The following CRTC3 variants were observed in gnomAD, a reference collection of about 807,000 sequenced individuals.
CRTC3 encodes CREB-regulated transcription coactivator 3.
CRTC3 carries 26 observed loss-of-function variants against 74.5 expected under a neutral mutation model. That is an observed-to-expected ratio of 0.35 (90% CI 0.26 to 0.48). CRTC3 has a LOEUF of 0.48. CRTC3 is among the 20% of genes least tolerant of loss of function. The pLI, the probability that CRTC3 is intolerant of heterozygous loss-of-function variation, is 0.99. For missense variants in CRTC3, 760 were observed against 787.3 expected (o/e 0.97, Z 0.41); for synonymous variants, 377 against 325.8 (o/e 1.16, Z -1.69).
intron 11 of CRTC3, among the ~76,000 whole-genome samples, chr15:90,633,496 C>T (rs569241658): frequency 3.1e-4 from 47 of 152,250 alleles, no homozygotes; most frequent in African/African-American, 1.0e-3. Context: ...CAGTGCCATT[C>T]GGACTCTTAA....
At chr15:90,616,680 T>C (rs751052019) in intron 7 of CRTC3, among the ~76,000 whole-genome samples, 1 of 152,232 alleles carries the variant, frequency 6.6e-6, no homozygotes, top group Non-Finnish European at 1.5e-5. Context: ...GGCCCTTGTT[T>C]TCTGGTCTCT....
At chr15:90,584,526 C>T (rs142965200) in intron 2 of CRTC3, among the ~76,000 whole-genome samples, 3 of 152,178 alleles carry the variant, frequency 2.0e-5, no homozygotes, top group Non-Finnish European at 4.4e-5. Context: ...CATGAGCCAC[C>T]GTGCCCGGCC....
At chr15:90,630,338 A>T (rs941883395) in intron 11 of CRTC3, among the ~76,000 whole-genome samples, 1 of 152,252 alleles carries the variant, frequency 6.6e-6, no homozygotes, top group Non-Finnish European at 1.5e-5. Flanking sequence ...CAGATTTGAG[A>T]AACAATACTT....
In CRTC3 at chr15:90,630,838, C is replaced by T. The variant is rs1350407984; in HGVS notation, c.1266+1306C>T. Among the ~76,000 whole-genome samples, 2 of 14,108 alleles carry T rather than the reference C, an allele frequency of 1.4e-4. 1 individual carries two copies. The highest frequency in any genetic ancestry group is 2.8e-4 in the African/African-American group (2 of 7,242). The allele number at this position is 14,108 out of a possible 152,430, so 9.3% of individuals were successfully genotyped here. On this transcript the variant is annotated intron_variant, in intron 11 of 14. Coordinates refer to ENST00000268184, the MANE Select transcript of CRTC3 (RefSeq NM_022769.5). ...CAGGTCGGACTGCGGACTGCAGTGGCGCAATCTCGGCTCACTGCAAGCTCC... is the reference window on the plus strand; with the variant it reads ...CAGGTCGGACTGCGGACTGCAGTGGTGCAATCTCGGCTCACTGCAAGCTCC...
chr15:90,610,674 T>G (rs565646228), intron 6 of CRTC3, among the ~76,000 whole-genome samples: 20 of 152,378 alleles, frequency 1.3e-4, no homozygotes, highest in Admixed American at 9.8e-4. Flanking sequence ...GCCATTTCCC[T>G]GGCAGCATGT....
intron 2 of CRTC3, among the ~76,000 whole-genome samples, chr15:90,592,437 G>A (rs1967822575): frequency 6.6e-6 from 1 of 152,118 alleles, no homozygotes; most frequent in African/African-American, 2.4e-5. Context: ...CACATCTATT[G>A]CACAATGTAT....
At chr15:90,626,427 G>A (rs1377302416) in intron 10 of CRTC3, among the ~76,000 whole-genome samples, 3 of 152,152 alleles carry the variant, frequency 2.0e-5, no homozygotes, top group African/African-American at 7.2e-5. Context: ...TGGATATGAT[G>A]AAAATATTTA....
At chr15:90,615,652 G>A (rs1341686072) in intron 7 of CRTC3, among the ~76,000 whole-genome samples, 2 of 152,100 alleles carry the variant, frequency 1.3e-5, no homozygotes, top group Non-Finnish European at 2.9e-5. Context: ...ACAAATCTTG[G>A]ATATGAAAAG....
At chr15:90,546,752 A>T (rs1454241782) in intron 2 of CRTC3, among the ~76,000 whole-genome samples, 2 of 152,142 alleles carry the variant, frequency 1.3e-5, no homozygotes, top group African/African-American at 4.8e-5. Flanking sequence ...CTTCCTGAGT[A>T]GCTGGGACTA....
At chr15:90,598,835 G>A (rs1168848638) in intron 3 of CRTC3, 1 of 307,976 alleles carries the variant, frequency 3.2e-6, no homozygotes, top group African/African-American at 2.2e-5. Flanking sequence ...ATTGGCCAAG[G>A]CGAGCATGGA....
At chr15:90,564,498 C>T (rs962778925) in intron 2 of CRTC3, among the ~76,000 whole-genome samples, 2 of 152,158 alleles carry the variant, frequency 1.3e-5, no homozygotes, top group Non-Finnish European at 2.9e-5. Flanking sequence ...CTACGTCTGG[C>T]CTTTTTAGCT....
intron 2 of CRTC3, among the ~76,000 whole-genome samples, chr15:90,571,999 T>C (rs1967278568): frequency 6.6e-6 from 1 of 151,908 alleles, no homozygotes; most frequent in Non-Finnish European, 1.5e-5. Context: ...CCATCTCTAC[T>C]GAAAATACAA....
intron 3 of CRTC3, among the ~76,000 whole-genome samples, chr15:90,600,981 C>T (rs1205281615): frequency 1.3e-5 from 2 of 152,156 alleles, no homozygotes; most frequent in African/African-American, 2.4e-5. Flanking sequence ...TTGTGGAACT[C>T]AGAAAGCTGG....
chr15:90,561,007 G>T (rs957282290), intron 2 of CRTC3, among the ~76,000 whole-genome samples: 1 of 152,286 alleles, frequency 6.6e-6, no homozygotes, highest in East Asian at 1.9e-4. Context: ...GGTCACAAGT[G>T]CAGTCCCTAG....
At chr15:90,547,960 C>G (rs1294634523) in intron 2 of CRTC3, among the ~76,000 whole-genome samples, 1 of 147,570 alleles carries the variant, frequency 6.8e-6, no homozygotes, top group Non-Finnish European at 1.5e-5. Context: ...GTGATCTTGG[C>G]TCACTGCAAC....
At chr15:90,548,766 A>G (rs4606693) in intron 2 of CRTC3, among the ~76,000 whole-genome samples, 6,067 of 152,322 alleles carry the variant, frequency 0.04, 420 homozygotes, top group African/African-American at 0.14. Flanking sequence ...CTTTTATGTG[A>G]TAAAACAACA....
At chr15:90,606,322 G>T (rs1968219227) in intron 5 of CRTC3, among the ~76,000 whole-genome samples, 1 of 151,968 alleles carries the variant, frequency 6.6e-6, no homozygotes, top group African/African-American at 2.4e-5. Context: ...AGCACTTTGG[G>T]AGGCTGAGGC....
Position 90,593,681 on chromosome 15 carries a change from G to C in CRTC3, c.277G>C (p.Gly93Arg). ...TAATGTTCGGGGAACCCGCCATCAC[G>C]GGCTGGTGGAGAGGCCATCCAGGAA... ...ADNVRGTRHHGLVERPSRNRF... is the reference protein window; with the variant it reads ...ADNVRGTRHHRLVERPSRNRF... The change falls in exon 3 of 15, where the codon GGG becomes CGG. Residue 93 changes from glycine to arginine, a missense_variant. By Grantham distance (125) the Gly-to-Arg change is moderately radical (BLOSUM62 -2). This residue lies in a region of CRTC3 where 108 missense variants were observed against 152.1 expected (regional missense o/e 0.71). Coordinates refer to ENST00000268184, the MANE Select transcript of CRTC3 (RefSeq NM_022769.5). 2 of 1,611,554 alleles carry C rather than the reference G, an allele frequency of 1.2e-6. No individual in the cohort carries two copies. Among genetic ancestry groups the C allele is most frequent in the Non-Finnish European group, 1.7e-6 (2 of 1,177,888 alleles).
rs1214948472 is a variant in CRTC3 at position 90,602,362 on chromosome 15, G to A, written c.390G>A (p.Gln130=). The part of the protein sequence containing the change: ...GSAFGANYSS[Q]PLDESWPRQQ... ...CTTTTGGAGCCAATTATTCCTCACA[G>A]CCTCTGGATGAGAGTTGGCCAAGGT... Residue 130 remains glutamine (Q), a synonymous_variant, in exon 4 of 15, where the codon CAG becomes CAA. Transcript: ENST00000268184. 6.2e-7 allele frequency: 1 copy of A among 1,600,090 alleles called. No individual in the cohort carries two copies. Among genetic ancestry groups the A allele is most frequent in the Non-Finnish European group, 8.6e-7 (1 of 1,167,912 alleles).
Sources: gnomAD v4.1 joint callset for allele counts (sites outside exome capture counted in the v4.1 genomes callset) on GRCh38, gnomAD v4.1.1 for gene constraint, gnomAD v4.1.1 regional missense constraint, MANE v1.5 for transcripts, NCBI Gene and HGNC (gene_info 2026-07-23, HGNC 2026-07-21) for gene names.